ADAMTS17: variants seen among roughly 807,000 people sequenced by gnomAD.
ADAMTS17 encodes A disintegrin and metalloproteinase with thrombospondin motifs 17.
In ADAMTS17, 113 loss-of-function variants were observed where a neutral mutation model predicts 141.5. The observed-to-expected ratio is 0.80, with a 90% CI of 0.69 to 0.93. The LOEUF is 0.93. Ranked by LOEUF, ADAMTS17 falls within the 40% of genes least tolerant of loss-of-function variation. The probability of loss-of-function intolerance (pLI) is 0.00; values close to 1 mark genes in which losing one functional copy is unlikely to be tolerated. For synonymous variants in ADAMTS17, 768 were observed against 630.6 expected, an observed-to-expected ratio of 1.22 and a Z score of -3.27; for missense variants, 1,659 against 1,517.9, an observed-to-expected ratio of 1.09 and a Z score of -1.54.
At chr15:100,100,066 T>C (rs988967120) in intron 14 of ADAMTS17, among the ~76,000 whole-genome samples, 1 of 152,240 alleles carries the variant, frequency 6.6e-6, no homozygotes, top group Admixed American at 6.5e-5. Context: ...ACGCCCACCC[T>C]GTCTCTGTTG....
intron 10 of ADAMTS17, among the ~76,000 whole-genome samples, chr15:100,148,223 T>C (rs2038999606): frequency 6.6e-6 from 1 of 152,264 alleles, no homozygotes; most frequent in Non-Finnish European, 1.5e-5. Flanking sequence ...ACCACAATTA[T>C]ATTCTTACTG....
chr15:99,999,975 C>T (rs1268080923), intron 18 of ADAMTS17, among the ~76,000 whole-genome samples: 2 of 152,114 alleles, frequency 1.3e-5, no homozygotes, highest in Non-Finnish European at 1.5e-5. Flanking sequence ...CCAGTGAAGC[C>T]CTTCTTGGAT....
At chr15:100,246,041 C>T (rs546767434) in intron 7 of ADAMTS17, among the ~76,000 whole-genome samples, 3 of 152,096 alleles carry the variant, frequency 2.0e-5, no homozygotes, top group Admixed American at 6.5e-5. Context: ...ATCGCCAGTC[C>T]TCGTCCTCTT....
chr15:100,047,737 G>A (rs1432183744), intron 18 of ADAMTS17, among the ~76,000 whole-genome samples: 1 of 152,150 alleles, frequency 6.6e-6, no homozygotes, highest in East Asian at 1.9e-4. Context: ...TTCCAGAGAA[G>A]AGGCTGTAGC....
chr15:99,994,199 A>C (rs538714374), intron 19 of ADAMTS17, among the ~76,000 whole-genome samples: 1 of 152,226 alleles, frequency 6.6e-6, no homozygotes, highest in Admixed American at 6.5e-5. Context: ...AGGCGTAAAC[A>C]TATAACTTGG....
intron 10 of ADAMTS17, among the ~76,000 whole-genome samples, chr15:100,139,493 A>G (rs1462012236): frequency 1.3e-5 from 2 of 152,216 alleles, no homozygotes; most frequent in Non-Finnish European, 2.9e-5. Context: ...ATTGTACAAG[A>G]CAGTGCCCTG....
intron 15 of ADAMTS17, among the ~76,000 whole-genome samples, chr15:100,085,863 G>C (rs1231955160): frequency 6.6e-6 from 1 of 152,012 alleles, no homozygotes. Flanking sequence ...ACATGGAAAG[G>C]AACAACTGGT....
chr15:99,994,339 C>T (rs1255625839), intron 19 of ADAMTS17, among the ~76,000 whole-genome samples: 2 of 151,884 alleles, frequency 1.3e-5, no homozygotes, highest in Non-Finnish European at 1.5e-5. Flanking sequence ...AGTTCTAGGC[C>T]AAATGCAGTA....
At chr15:100,326,248 T>C (rs1192656481) in intron 3 of ADAMTS17, among the ~76,000 whole-genome samples, 1 of 152,226 alleles carries the variant, frequency 6.6e-6, no homozygotes, top group African/African-American at 2.4e-5. Flanking sequence ...AAAGTAGCAA[T>C]TTAATGCCAT....
intron 7 of ADAMTS17, among the ~76,000 whole-genome samples, chr15:100,212,122 A>G (rs2041828202): frequency 6.6e-6 from 1 of 152,212 alleles, no homozygotes. Flanking sequence ...CCACCCCACG[A>G]AGGGATACTA....
At chr15:100,082,657 C>T (rs1357554495) in intron 15 of ADAMTS17, among the ~76,000 whole-genome samples, 2 of 151,426 alleles carry the variant, frequency 1.3e-5, no homozygotes, top group Non-Finnish European at 2.9e-5. Flanking sequence ...TCTGATTGTT[C>T]CTTCCCATGG....
At chr15:100,116,655 C>G (rs1234306127) in intron 13 of ADAMTS17, among the ~76,000 whole-genome samples, 192 bp downstream of exon 13, 3 of 152,250 alleles carry the variant, frequency 2.0e-5, no homozygotes, top group Non-Finnish European at 4.4e-5. Flanking sequence ...GTTGGAACAT[C>G]TCAGAGAGCT....
intron 7 of ADAMTS17, among the ~76,000 whole-genome samples, chr15:100,214,413 G>A (rs2041906290): frequency 6.6e-6 from 1 of 152,188 alleles, no homozygotes; most frequent in African/African-American, 2.4e-5. Context: ...GGGAGTATCT[G>A]CTTTCCAGGC....
intron 8 of ADAMTS17, among the ~76,000 whole-genome samples, chr15:100,162,928 C>A (rs2039788344): frequency 1.5e-5 from 2 of 136,688 alleles, no homozygotes; most frequent in East Asian, 2.2e-4. Flanking sequence ...ATATATATAA[C>A]TATATATGTA....
chr15:100,038,764 A>C (rs2030985744), intron 18 of ADAMTS17, among the ~76,000 whole-genome samples: 6 of 152,252 alleles, frequency 3.9e-5, no homozygotes, highest in Admixed American at 1.3e-4. Flanking sequence ...TTGTAAATAC[A>C]GACAGTTTTA....
chr15:100,200,390 G>A (rs955331723), intron 7 of ADAMTS17, among the ~76,000 whole-genome samples: 1 of 152,110 alleles, frequency 6.6e-6, no homozygotes, highest in Non-Finnish European at 1.5e-5. Flanking sequence ...CAGCAGGGGT[G>A]GGGAGGGCGA....
At chr15:100,121,610 T>G (rs941439044) in intron 12 of ADAMTS17, among the ~76,000 whole-genome samples, 1 of 151,992 alleles carries the variant, frequency 6.6e-6, no homozygotes, top group Non-Finnish European at 1.5e-5. Context: ...CCCTCAAAAA[T>G]CAAGGTGAAA....
chr15:100,293,058 A>G (rs376981002), intron 3 of ADAMTS17, among the ~76,000 whole-genome samples: 35 of 152,334 alleles, frequency 2.3e-4, no homozygotes, highest in African/African-American at 8.4e-4. Flanking sequence ...CGAAAATGCC[A>G]AAGGGCCTAA....
intron 18 of ADAMTS17, among the ~76,000 whole-genome samples, chr15:100,018,655 G>C (rs761011076): frequency 5.3e-5 from 8 of 152,188 alleles, no homozygotes; most frequent in Non-Finnish European, 1.2e-4. Context: ...ACAGCCTGCA[G>C]AATTGTGTGC....
Sources: gnomAD v4.1 joint callset for allele counts (sites outside exome capture counted in the v4.1 genomes callset) on GRCh38, gnomAD v4.1.1 for gene constraint, MANE v1.5 for transcripts, NCBI Gene and HGNC (gene_info 2026-07-23, HGNC 2026-07-21) for gene names.